Variants in GRM8 observed in about 807,000 individuals in gnomAD.
GRM8 encodes the protein metabotropic glutamate receptor 8.
Under a neutral mutation model 87.2 loss-of-function variants are expected in GRM8, and 47 were observed. The ratio of observed to expected loss-of-function variants is 0.54; its 90% CI spans 0.43 to 0.69. The LOEUF (loss-of-function observed/expected upper bound fraction) is 0.69. Among genes scored for constraint, GRM8 ranks in the 30% least tolerant of loss-of-function variants. The pLI is 0.00. For synonymous variants in GRM8, 396 were observed against 404.5 expected (o/e 0.98, Z 0.25); for missense variants, 1,019 against 1,139.2 (o/e 0.89, Z 1.52).
At chr7:127,194,068 G>C (rs1205901145) in intron 2 of GRM8, among the ~76,000 whole-genome samples, 1 of 152,134 alleles carries the variant, frequency 6.6e-6, no homozygotes, top group African/African-American at 2.4e-5. Context: ...CACAGGCTCT[G>C]AGCTCCTCCA....
At chr7:127,015,028 G>GAAC (rs769120968) in intron 3 of GRM8, among the ~76,000 whole-genome samples, 1 of 116,476 alleles carries the variant, frequency 8.6e-6, no homozygotes, top group East Asian at 2.5e-4. Context: ...AGAAGAAGAA[G>GAAC]AAGAAGAAGA....
chr7:127,007,547 A>G (rs1024955059), intron 3 of GRM8, among the ~76,000 whole-genome samples: 13 of 151,998 alleles, frequency 8.6e-5, no homozygotes, highest in Non-Finnish European at 1.3e-4. Context: ...TCACTAGTGG[A>G]TTGTTTCAGA....
chr7:126,484,183 G>A (rs1807077365), intron 9 of GRM8, among the ~76,000 whole-genome samples: 1 of 152,074 alleles, frequency 6.6e-6, no homozygotes, highest in African/African-American at 2.4e-5. Context: ...CTCCAAAGCA[G>A]GGGATAATTA....
intron 10 of GRM8, among the ~76,000 whole-genome samples, chr7:126,441,543 A>C (rs1487979839): frequency 6.6e-6 from 1 of 152,140 alleles, no homozygotes; most frequent in Non-Finnish European, 1.5e-5. Context: ...GAATAATCGT[A>C]AGATAAAAGA....
At chr7:126,997,341 A>C (rs924604226) in intron 3 of GRM8, among the ~76,000 whole-genome samples, 5 of 151,790 alleles carry the variant, frequency 3.3e-5, no homozygotes, top group Admixed American at 2.6e-4. Flanking sequence ...TATATCAAAA[A>C]AAGAAAAACT....
chr7:126,645,023 G>A (rs1430978430), intron 7 of GRM8, among the ~76,000 whole-genome samples: 1 of 152,190 alleles, frequency 6.6e-6, no homozygotes, highest in East Asian at 1.9e-4. Flanking sequence ...TCATTCCCGG[G>A]CATAGGCCAA....
intron 2 of GRM8, among the ~76,000 whole-genome samples, chr7:127,202,430 G>A (rs540110361): frequency 2.6e-5 from 4 of 152,134 alleles, no homozygotes; most frequent in Non-Finnish European, 4.4e-5. Context: ...TGCCTGCCTC[G>A]GCCTCCCAAA....
In GRM8 at chr7:126,992,176, C is replaced by T. The variant is rs147947648; in HGVS notation, c.728-87493G>A. Among the ~76,000 whole-genome samples, 629 of 152,192 alleles carry T rather than the reference C, an allele frequency of 4.1e-3. 6 individuals are homozygous for T. The highest frequency in any genetic ancestry group is 0.014 in the Middle Eastern group (4 of 294). ...AAATATACAAATGCAAATACAATGTCCTAAGCTCTTATGCTCTCCTGACAA... is the reference window on the plus strand; with the variant it reads ...AAATATACAAATGCAAATACAATGTTCTAAGCTCTTATGCTCTCCTGACAA... On this transcript the variant is annotated intron_variant, in intron 3 of 10. Coordinates refer to ENST00000339582, the MANE Select transcript of GRM8 (RefSeq NM_000845.3).
intron 8 of GRM8, among the ~76,000 whole-genome samples, chr7:126,584,994 A>G (rs1296810112): frequency 6.6e-6 from 1 of 152,218 alleles, no homozygotes; most frequent in Non-Finnish European, 1.5e-5. Flanking sequence ...ACCCAATTGA[A>G]AATAAAATGT....
At chr7:126,581,792 G>A (rs1795633666) in intron 8 of GRM8, among the ~76,000 whole-genome samples, 1 of 151,746 alleles carries the variant, frequency 6.6e-6, no homozygotes, top group Non-Finnish European at 1.5e-5. Flanking sequence ...TATCTGTTTT[G>A]GTGATCTGTG....
intron 3 of GRM8, among the ~76,000 whole-genome samples, chr7:127,074,895 CTT>C (rs372641536): frequency 1.1e-4 from 16 of 152,294 alleles, no homozygotes; most frequent in African/African-American, 3.8e-4. Flanking sequence ...TGATTGAAAA[CTT>C]TGGATTTTAA....
At chr7:127,104,811 C>T (rs1417681713) in intron 3 of GRM8, among the ~76,000 whole-genome samples, 4 of 152,166 alleles carry the variant, frequency 2.6e-5, no homozygotes. Context: ...CACAGCAATG[C>T]TCCCTAAAAA....
chr7:127,176,194 G>A (rs554772782), intron 2 of GRM8, among the ~76,000 whole-genome samples: 2 of 152,230 alleles, frequency 1.3e-5, no homozygotes, highest in African/African-American at 4.8e-5. Context: ...AAATGTAATT[G>A]CTAGGAAAGG....
intron 9 of GRM8, among the ~76,000 whole-genome samples, chr7:126,446,747 T>C (rs1802064249): frequency 6.6e-6 from 1 of 151,972 alleles, no homozygotes; most frequent in African/African-American, 2.4e-5. Flanking sequence ...CAAGTGTTAT[T>C]GTAGCAATAA....
At chr7:126,613,289 T>G (rs1799102723) in intron 7 of GRM8, among the ~76,000 whole-genome samples, 2 of 152,318 alleles carry the variant, frequency 1.3e-5, no homozygotes, top group South Asian at 2.1e-4. Flanking sequence ...TGGCGAATTT[T>G]TTTTTTGTCC....
chr7:126,893,658 AAACT>A (rs1431743606), intron 6 of GRM8, among the ~76,000 whole-genome samples: 1 of 151,958 alleles, frequency 6.6e-6, no homozygotes, highest in Non-Finnish European at 1.5e-5. Context: ...AGCAACTTAC[AAACT>A]ATTGTCTGAC....
At chr7:127,008,688 T>A (rs1440732723) in intron 3 of GRM8, among the ~76,000 whole-genome samples, 1 of 152,056 alleles carries the variant, frequency 6.6e-6, no homozygotes, top group Non-Finnish European at 1.5e-5. Flanking sequence ...CAATTAGTAG[T>A]ACAAAAACAA....
At chr7:126,864,588 T>C (rs1798434019) in intron 6 of GRM8, among the ~76,000 whole-genome samples, 1 of 152,156 alleles carries the variant, frequency 6.6e-6, no homozygotes, top group South Asian at 2.1e-4. Context: ...TATATACCTA[T>C]GTATACATAC....
At chr7:127,171,545 T>A (rs1793802327) in intron 2 of GRM8, among the ~76,000 whole-genome samples, 2 of 152,230 alleles carry the variant, frequency 1.3e-5, no homozygotes, top group African/African-American at 4.8e-5. Context: ...CGACCCTGAT[T>A]AGTCAGTAGC....
Sources: gnomAD v4.1 joint callset for allele counts (sites outside exome capture counted in the v4.1 genomes callset) on GRCh38, gnomAD v4.1.1 for gene constraint, MANE v1.5 for transcripts, NCBI Gene and HGNC (gene_info 2026-07-23, HGNC 2026-07-21) for gene names.